Variants in TMEM135 observed in about 807,000 individuals in gnomAD.
The protein encoded by TMEM135 is peroxisomal membrane protein 52.
A neutral mutation model predicts 60.3 loss-of-function variants in TMEM135; 30 were observed. The observed-to-expected ratio is 0.50, with a 90% CI of 0.37 to 0.68. The LOEUF (loss-of-function observed/expected upper bound fraction) is 0.68. TMEM135 is among the 30% of genes least tolerant of loss of function. The probability of loss-of-function intolerance (pLI) is 0.00; values close to 1 mark genes in which losing one functional copy is unlikely to be tolerated. For missense variants in TMEM135, 468 were observed against 548.8 expected (o/e 0.85, Z 1.47); for synonymous variants, 190 against 186.7 (o/e 1.02, Z -0.14).
chr11:87,112,358 G>A (rs1791802721), intron 4 of TMEM135, among the ~76,000 whole-genome samples: 2 of 147,550 alleles, frequency 1.4e-5, no homozygotes, highest in South Asian at 4.3e-4. Context: ...AACTACTTAA[G>A]CCCTAAAAAA....
Position 87,326,768 on chromosome 11 carries a change from G to T in TMEM135, c.*5435G>T, listed in dbSNP as rs1374712285. The T allele has an allele frequency of 1.1e-5, 5 of 445,544 alleles. No individual in the cohort carries two copies. In the East Asian group the frequency reaches 2.8e-4, roughly 25 times the overall value. The allele number at this position is 445,544 out of a possible 1,614,324, so 27.6% of individuals were successfully genotyped here. A position where few individuals can be genotyped will look rare whatever the true frequency, so the allele number is the denominator to read the frequency against. On this transcript the variant is annotated 3_prime_UTR_variant, in exon 15 of 15. Coordinates refer to ENST00000305494, the MANE Select transcript of TMEM135 (RefSeq NM_022918.4). Reference sequence around the variant, plus strand: ...AATAATATCTGCAAAGCTTCAGGAAGAAATTCAGTTGCATCTGAATCTGAG... The same window carrying T: ...AATAATATCTGCAAAGCTTCAGGAATAAATTCAGTTGCATCTGAATCTGAG...
At chr11:87,277,337 G>T in intron 6 of TMEM135, 1 of 358,828 alleles carries the variant, frequency 2.8e-6, no homozygotes, top group Non-Finnish European at 5.6e-6. Flanking sequence ...CACCATGTTA[G>T]CCAGGCTGGT....
intron 1 of TMEM135, among the ~76,000 whole-genome samples, chr11:87,066,389 G>A (rs936533770): frequency 6.6e-6 from 1 of 151,904 alleles, no homozygotes; most frequent in Admixed American, 6.6e-5. Context: ...AAATTCTGTG[G>A]TACTTTCTAT....
chr11:87,140,575 T>G (rs554030000), intron 4 of TMEM135, among the ~76,000 whole-genome samples: 21 of 152,202 alleles, frequency 1.4e-4, no homozygotes, highest in Non-Finnish European at 2.4e-4. Context: ...CAATGTCACA[T>G]TTTAAGAAGC....
intron 4 of TMEM135, among the ~76,000 whole-genome samples, chr11:87,142,583 G>C (rs946382150): frequency 6.6e-6 from 1 of 152,088 alleles, no homozygotes; most frequent in Non-Finnish European, 1.5e-5. Context: ...TTGCTTTTAA[G>C]ATTTTTTTCT....
chr11:87,065,021 ATTG>A (rs1856621906), intron 1 of TMEM135, among the ~76,000 whole-genome samples: 2 of 150,782 alleles, frequency 1.3e-5, no homozygotes, highest in South Asian at 4.2e-4. Context: ...TATGCTTTTT[ATTG>A]TTCATTTTTA....
intron 6 of TMEM135, among the ~76,000 whole-genome samples, chr11:87,276,514 AT>A (rs1941968527): frequency 1.3e-5 from 2 of 151,688 alleles, no homozygotes; most frequent in Non-Finnish European, 2.9e-5. Flanking sequence ...TTATATATAT[AT>A]ATATATACAC....
intron 9 of TMEM135, among the ~76,000 whole-genome samples, chr11:87,307,989 C>A (rs976897798): frequency 2.0e-4 from 31 of 152,302 alleles, no homozygotes; most frequent in Non-Finnish European, 1.8e-4. Flanking sequence ...AATGTCATAT[C>A]ATTTACATGT....
At chr11:87,294,578 T>G (rs1182739500) in intron 6 of TMEM135, among the ~76,000 whole-genome samples, 1 of 152,180 alleles carries the variant, frequency 6.6e-6, no homozygotes, top group Non-Finnish European at 1.5e-5. Flanking sequence ...AGACGGGGTT[T>G]CTCCATGTTG....
intron 4 of TMEM135, among the ~76,000 whole-genome samples, chr11:87,141,971 G>C (rs1394852592): frequency 3.3e-5 from 5 of 152,172 alleles, no homozygotes; most frequent in African/African-American, 1.2e-4. Flanking sequence ...AGGAATCTGA[G>C]GGATCTAGCA....
chr11:87,275,155 G>T (rs961231383), intron 6 of TMEM135, among the ~76,000 whole-genome samples: 2 of 151,982 alleles, frequency 1.3e-5, no homozygotes, highest in African/African-American at 4.8e-5. Context: ...TTATTTCAAA[G>T]AACTAAATAT....
At chr11:87,105,729 T>G (rs147448061) in intron 4 of TMEM135, among the ~76,000 whole-genome samples, 46 of 152,364 alleles carry the variant, frequency 3.0e-4, no homozygotes, top group Admixed American at 5.9e-4. Context: ...ATTTATCATT[T>G]CTTTGTGTTG....
chr11:87,047,497 C>A (rs1949807529), intron 1 of TMEM135, among the ~76,000 whole-genome samples: 1 of 151,062 alleles, frequency 6.6e-6, no homozygotes, highest in East Asian at 2.0e-4. Context: ...GGCACTGCCT[C>A]ACCTGGGAAG....
intron 6 of TMEM135, among the ~76,000 whole-genome samples, chr11:87,249,597 TCTTAGTACTGCTTTCA>T (rs1385171191): frequency 6.6e-6 from 1 of 152,132 alleles, no homozygotes; most frequent in Non-Finnish European, 1.5e-5. Context: ...ATAACTTTTC[TCTTAGTACTGCTTTCA>T]CTTAGTACTG....
chr11:87,308,332 T>C (rs913699355), intron 9 of TMEM135, among the ~76,000 whole-genome samples: 1 of 152,232 alleles, frequency 6.6e-6, no homozygotes, highest in Admixed American at 6.5e-5. Flanking sequence ...ATTATAAGGT[T>C]ATCAATGGCA....
chr11:87,165,988 A>C (rs1296696591), intron 5 of TMEM135, among the ~76,000 whole-genome samples: 1 of 150,786 alleles, frequency 6.6e-6, no homozygotes, highest in South Asian at 2.1e-4. Context: ...TAGAAAATCT[A>C]GAAGAAATGG....
chr11:87,091,456 T>A, intron 4 of TMEM135, 61 bp downstream of exon 4: 1 of 1,553,264 alleles, frequency 6.4e-7, no homozygotes, highest in South Asian at 1.1e-5. Context: ...TAAAATCAAG[T>A]TTTCTTAAAA....
chr11:87,303,096 C>G (rs1942475700), intron 8 of TMEM135, among the ~76,000 whole-genome samples: 1 of 151,978 alleles, frequency 6.6e-6, no homozygotes, highest in South Asian at 2.1e-4. Flanking sequence ...GGTCCTGAAC[C>G]TCTGGGCCAT....
intron 5 of TMEM135, among the ~76,000 whole-genome samples, chr11:87,191,718 G>C (rs143789950): frequency 6.6e-6 from 1 of 152,272 alleles, no homozygotes; most frequent in East Asian, 1.9e-4. Context: ...GTTTGCAACA[G>C]TGTTGACAAT....
Sources: gnomAD v4.1 joint callset for allele counts (sites outside exome capture counted in the v4.1 genomes callset) on GRCh38, gnomAD v4.1.1 for gene constraint, MANE v1.5 for transcripts, NCBI Gene and HGNC (gene_info 2026-07-23, HGNC 2026-07-21) for gene names.